FAM110B: variants seen among roughly 807,000 people sequenced by gnomAD.
FAM110B encodes family with sequence similarity 110 member B, also known as protein FAM110B.
In FAM110B, 6 loss-of-function variants were observed where a neutral mutation model predicts 20.4. The ratio of observed to expected loss-of-function variants is 0.29; its 90% CI spans 0.16 to 0.58. The LOEUF is 0.58. FAM110B is among the 20% of genes least tolerant of loss of function. The probability of loss-of-function intolerance (pLI) is 0.90; values close to 1 mark genes in which losing one functional copy is unlikely to be tolerated. For synonymous variants in FAM110B, 226 were observed against 214.1 expected, an observed-to-expected ratio of 1.06 and a Z score of -0.49; for missense variants, 434 against 498.2, an observed-to-expected ratio of 0.87 and a Z score of 1.23.
intron 3 of FAM110B, among the ~76,000 whole-genome samples, chr8:58,101,352 A>T (rs1292503075): frequency 6.6e-6 from 1 of 152,174 alleles, no homozygotes; most frequent in Non-Finnish European, 1.5e-5. Context: ...TGTGTTGCCA[A>T]GCTCCAAAAA....
intron 2 of FAM110B, among the ~76,000 whole-genome samples, chr8:58,072,352 G>A (rs1004738940): frequency 1.3e-5 from 2 of 152,142 alleles, no homozygotes; most frequent in Non-Finnish European, 2.9e-5. Flanking sequence ...CTTTCTGTGT[G>A]GAGGAGGAAC....
Position 58,145,968 on chromosome 8 carries a change from A to G in FAM110B, c.-263A>G. On this transcript the variant is annotated 5_prime_UTR_variant, in exon 4 of 4. Transcript: ENST00000519262. The stretch of plus-strand genomic sequence containing the variant: ...CTCCCACCTCCTTCAGGGAGAAGAA[A>G]GGAGGCAGCGAAGCAGATTAAAGGA... 2.5e-6 allele frequency: 1 copy of G among 402,276 alleles called. No homozygotes were observed. Among genetic ancestry groups the G allele is most frequent in the Non-Finnish European group, 4.5e-6 (1 of 223,066 alleles). The allele number at this position is 402,276 out of a possible 1,614,324, so 24.9% of individuals were successfully genotyped here. A position where few individuals can be genotyped will look rare whatever the true frequency, so the allele number is the denominator to read the frequency against.
intron 2 of FAM110B, among the ~76,000 whole-genome samples, chr8:58,040,379 G>C (rs1805187011): frequency 6.6e-6 from 1 of 152,168 alleles, no homozygotes; most frequent in Non-Finnish European, 1.5e-5. Flanking sequence ...CTGTATCCCA[G>C]TGAGCATGTG....
chr8:58,026,958 T>C (rs1349245513), intron 1 of FAM110B, among the ~76,000 whole-genome samples: 1 of 150,894 alleles, frequency 6.6e-6, no homozygotes, highest in Non-Finnish European at 1.5e-5. Flanking sequence ...TCCAACTGTT[T>C]TTTGTTTTTC....
At chr8:58,023,320 A>G (rs1804792398) in intron 1 of FAM110B, among the ~76,000 whole-genome samples, 1 of 152,128 alleles carries the variant, frequency 6.6e-6, no homozygotes. Context: ...CTATGTTTTT[A>G]CTTTAAATAA....
intron 3 of FAM110B, among the ~76,000 whole-genome samples, chr8:58,089,451 T>C (rs1337985195): frequency 6.6e-6 from 1 of 152,232 alleles, no homozygotes; most frequent in East Asian, 1.9e-4. Flanking sequence ...TAATAGAATC[T>C]GATCTCACAG....
At chr8:58,000,908 T>C in intron 1 of FAM110B, among the ~76,000 whole-genome samples, 1 of 151,568 alleles carries the variant, frequency 6.6e-6, no homozygotes, top group South Asian at 2.1e-4. Flanking sequence ...TAAAATCAGA[T>C]TTTTTCCCCC....
chr8:58,045,938 T>C (rs1012116115), intron 2 of FAM110B, among the ~76,000 whole-genome samples: 3 of 152,152 alleles, frequency 2.0e-5, no homozygotes, highest in Non-Finnish European at 4.4e-5. Flanking sequence ...TCCCCATAGA[T>C]GGTGCCTTCT....
At chr8:58,038,525 G>A (rs1024837459) in intron 2 of FAM110B, among the ~76,000 whole-genome samples, 4 of 152,188 alleles carry the variant, frequency 2.6e-5, no homozygotes. Context: ...GCCAAGGCAA[G>A]TGGATCACTT....
intron 1 of FAM110B, among the ~76,000 whole-genome samples, chr8:58,013,341 G>A (rs1299114387): frequency 6.6e-6 from 1 of 152,184 alleles, no homozygotes; most frequent in Non-Finnish European, 1.5e-5. Flanking sequence ...GCGGTCTTTG[G>A]GCACACATCA....
chr8:58,050,933 C>T (rs146212547), intron 2 of FAM110B, among the ~76,000 whole-genome samples: 2 of 152,308 alleles, frequency 1.3e-5, no homozygotes, highest in Admixed American at 1.3e-4. Flanking sequence ...TTCACCCCAG[C>T]GTTTATACTG....
intron 2 of FAM110B, among the ~76,000 whole-genome samples, chr8:58,074,226 T>C (rs1724348611): frequency 6.6e-6 from 1 of 152,180 alleles, no homozygotes; most frequent in South Asian, 2.1e-4. Context: ...TGGTTTGTTT[T>C]TTCCCTGTCT....
chr8:58,010,263 C>G (rs1294724954), intron 1 of FAM110B, among the ~76,000 whole-genome samples: 1 of 151,098 alleles, frequency 6.6e-6, no homozygotes, highest in Non-Finnish European at 1.5e-5. Flanking sequence ...CTGAAGTGAT[C>G]TACCCGCCTT....
intron 2 of FAM110B, among the ~76,000 whole-genome samples, chr8:58,065,868 G>A (rs936823341): frequency 1.3e-5 from 2 of 152,134 alleles, no homozygotes; most frequent in African/African-American, 4.8e-5. Context: ...CCGTGTTCAG[G>A]TTTAGTCATT....
intron 2 of FAM110B, among the ~76,000 whole-genome samples, chr8:58,063,856 G>A (rs1337512978): frequency 6.6e-6 from 1 of 152,034 alleles, no homozygotes. Context: ...GCCTTATAAA[G>A]GTGTATTAGT....
At chr8:58,132,274 C>A (rs1803492449) in intron 3 of FAM110B, among the ~76,000 whole-genome samples, 1 of 152,170 alleles carries the variant, frequency 6.6e-6, no homozygotes, top group Non-Finnish European at 1.5e-5. Flanking sequence ...GTACTCCTAA[C>A]CGCGGCTTCT....
intron 3 of FAM110B, among the ~76,000 whole-genome samples, chr8:58,102,944 C>T (rs12156321): frequency 0.14 from 20,796 of 144,350 alleles, 1,585 homozygotes; most frequent in African/African-American, 0.2. Flanking sequence ...ATTAGACTTA[C>T]GCTTTAGAAA....
chr8:58,053,686 A>G (rs983517974), intron 2 of FAM110B, among the ~76,000 whole-genome samples: 1 of 152,238 alleles, frequency 6.6e-6, no homozygotes, highest in Non-Finnish European at 1.5e-5. Flanking sequence ...GTGCTCCAGT[A>G]AAATATTTTC....
At chr8:57,999,563 T>A (rs576535060) in intron 1 of FAM110B, among the ~76,000 whole-genome samples, 1 of 152,168 alleles carries the variant, frequency 6.6e-6, no homozygotes, top group South Asian at 2.1e-4. Flanking sequence ...AAATAAAAAA[T>A]AAGTAATTAT....
Sources: allele counts gnomAD v4.1 joint callset (sites outside exome capture counted in the v4.1 genomes callset), GRCh38; gene constraint gnomAD v4.1.1; transcripts MANE v1.5; gene names NCBI Gene and HGNC (gene_info 2026-07-23, HGNC 2026-07-21).